The following PRTG variants were observed in gnomAD, a reference collection of about 807,000 sequenced individuals.
PRTG encodes immunoglobulin superfamily, DCC subclass, member 5.
A neutral mutation model predicts 122.5 loss-of-function variants in PRTG; 67 were observed. The ratio of observed to expected loss-of-function variants is 0.55; its 90% CI spans 0.45 to 0.67. PRTG has a LOEUF of 0.67. PRTG is among the 30% of genes least tolerant of loss of function. PRTG has a pLI of 0.00. For synonymous variants in PRTG, 554 were observed against 501.1 expected (o/e 1.11, Z -1.41); for missense variants, 1,435 against 1,415.4 (o/e 1.01, Z -0.22).
chr15:55,631,892 A>T (rs1236262044), intron 15 of PRTG, among the ~76,000 whole-genome samples: 2 of 151,802 alleles, frequency 1.3e-5, no homozygotes, highest in South Asian at 2.1e-4. Context: ...TTTACCTCCG[A>T]CTCCTCTTCT....
At chr15:55,665,740 T>A (rs1019500174) in intron 11 of PRTG, among the ~76,000 whole-genome samples, 3 of 151,986 alleles carry the variant, frequency 2.0e-5, no homozygotes, top group African/African-American at 7.3e-5. Flanking sequence ...GAGACAGGGT[T>A]ATGCCATGTT....
chr15:55,680,613 G>A lies in PRTG; in HGVS notation c.692C>T (p.Ser231Phe), dbSNP rs367914044. The change falls in exon 5 of 20, where the codon TCC becomes TTC. Residue 231 changes from serine (S) to phenylalanine (F), a missense_variant. Transcript: ENST00000389286. ...LTVIPAKESK[S>F]FHTPTIIAGP... ...TGCTATAATTGTTGGTGTGTGGAAG[G>A]ATTTTGACTCCTTAGCTTTGGGGAG... The A allele has an allele frequency of 5.4e-5, 83 of 1,544,480 alleles. No individual in the cohort carries two copies. The highest frequency in any genetic ancestry group is 7.2e-5 in the Non-Finnish European group (82 of 1,143,236).
intron 17 of PRTG, among the ~76,000 whole-genome samples, 191 bp from the exon 18 acceptor site, chr15:55,624,698 T>C (rs1441809404): frequency 1.3e-5 from 2 of 152,224 alleles, no homozygotes; most frequent in Non-Finnish European, 2.9e-5. Context: ...GGCATCTTTA[T>C]TTCTTTTTGC....
rs564541130 is a variant in PRTG at position 55,618,886 on chromosome 15, T to C, written c.*1126A>G. On this transcript the variant is annotated 3_prime_UTR_variant, in exon 20 of 20. Transcript: ENST00000389286. Reference sequence around the variant, plus strand: ...AGAATTTCATTATACTGAAAGGCACTGTTACCATAATAACTTCGAGTTCAT... The same window carrying C: ...AGAATTTCATTATACTGAAAGGCACCGTTACCATAATAACTTCGAGTTCAT... 3.9e-5 allele frequency: 6 copies of C among 152,322 alleles called. No homozygotes were observed. The East Asian group carries it at 1.2e-3, about 29-fold the overall frequency. The allele number at this position is 152,322 out of a possible 1,614,324, so 9.4% of individuals were successfully genotyped here.
At position 55,638,561 on chromosome 15, in the gene PRTG, T is replaced by A. The variant is rs761448270; in HGVS notation, c.2440A>T (p.Thr814Ser). The change falls in exon 14 of 20, where the codon ACT becomes TCT. Residue 814 changes from threonine to serine, a missense_variant. Transcript: ENST00000389286. ...SPWSPVVYHS[T>S]LPEAPAGPPV... ...CTGTTTTCTTTACCTTCTGGAAGAGTAGAATGGTAGACTACAGGGCTCCAA... is the reference window on the plus strand; with the variant it reads ...CTGTTTTCTTTACCTTCTGGAAGAGAAGAATGGTAGACTACAGGGCTCCAA... The A allele has an allele frequency of 9.3e-6, 15 of 1,608,562 alleles. No homozygotes were observed. The African/African-American group carries it at 1.6e-4, about 17-fold the overall frequency.
At chr15:55,630,971 T>G (rs1422364522) in intron 15 of PRTG, among the ~76,000 whole-genome samples, 9 of 152,154 alleles carry the variant, frequency 5.9e-5, no homozygotes, top group Non-Finnish European at 1.0e-4. Flanking sequence ...ATATATTTCA[T>G]TAGGCAAATG....
chr15:55,629,371 A>ATGTGTGTGTGTGTGTGTG (rs1457708289), intron 15 of PRTG, among the ~76,000 whole-genome samples: 3 of 35,536 alleles, frequency 8.4e-5, no homozygotes, highest in South Asian at 3.8e-3. Flanking sequence ...ATATATATAT[A>ATGTGTGTGTGTGTGTGTG]TATATGTGTG....
intron 2 of PRTG, among the ~76,000 whole-genome samples, chr15:55,728,090 TTCTG>T: frequency 6.6e-6 from 1 of 152,222 alleles, no homozygotes; most frequent in East Asian, 1.9e-4. Context: ...GGTCTCAAAC[TTCTG>T]AGCTCAGGCA....
rs8034544 is a variant in PRTG at position 55,672,355 on chromosome 15, G to C, written c.2041+90C>G. ...TCAATTCTTTTCTTTGTACCATTAA[G>C]TAAGTTCTCCTGCTTTAGATCCAAT... On this transcript the variant is annotated intron_variant, in intron 11 of 19. Coordinates refer to ENST00000389286, the MANE Select transcript of PRTG (RefSeq NM_173814.6). The C allele has an allele frequency of 0.01, 10,295 of 998,480 alleles. 711 individuals are homozygous for C. In the African/African-American group the frequency reaches 0.14, roughly 14 times the overall value. The allele number at this position is 998,480 out of a possible 1,614,324, so 61.9% of individuals were successfully genotyped here.
At chr15:55,740,288 A>G in intron 2 of PRTG, 94 bp downstream of exon 2, 2 of 1,183,298 alleles carry the variant, frequency 1.7e-6, no homozygotes, top group Non-Finnish European at 1.2e-6. Context: ...TTCTTAATGC[A>G]TGCATGATTC....
intron 11 of PRTG, among the ~76,000 whole-genome samples, chr15:55,668,779 T>C (rs1194767211): frequency 6.6e-6 from 1 of 152,182 alleles, no homozygotes; most frequent in African/African-American, 2.4e-5. Flanking sequence ...ATATTTATAC[T>C]ATGAAAGACA....
chr15:55,677,827 C>T lies in PRTG; in HGVS notation c.1351G>A (p.Ala451Thr). ...GCTTTCATGTAGTGTACAGAATAGG[C>T]AATGACTTTGTCTGAATTATAAAGT... is the stretch of plus-strand genomic sequence containing the variant. ...RPLYNSDKVI[A>T]YSVHYMKAEG... The change falls in exon 8 of 20, where the codon GCC becomes ACC. Residue 451 changes from alanine (A) to threonine (T), a missense_variant. Coordinates refer to ENST00000389286, the MANE Select transcript of PRTG (RefSeq NM_173814.6). 7 of 1,613,834 alleles carry T rather than the reference C, an allele frequency of 4.3e-6. No homozygotes were observed. Among genetic ancestry groups the T allele is most frequent in the Non-Finnish European group, 5.9e-6 (7 of 1,179,824 alleles).
chr15:55,681,982 G>T (rs964035833), intron 4 of PRTG, among the ~76,000 whole-genome samples: 1 of 151,998 alleles, frequency 6.6e-6, no homozygotes. Context: ...GATTTACATA[G>T]AATTTACATT....
chr15:55,626,472 A>C (rs185275840), intron 17 of PRTG, among the ~76,000 whole-genome samples: 1 of 151,478 alleles, frequency 6.6e-6, no homozygotes, highest in African/African-American at 2.4e-5. Context: ...GGCTGGGAGC[A>C]GTGGCTGATA....
intron 11 of PRTG, among the ~76,000 whole-genome samples, chr15:55,648,895 G>A (rs1250425731): frequency 6.6e-6 from 1 of 151,852 alleles, no homozygotes; most frequent in Non-Finnish European, 1.5e-5. Flanking sequence ...TCAGGAGTTT[G>A]AGACCAGCCT....
chr15:55,700,058 A>G (rs1490619284), intron 2 of PRTG, among the ~76,000 whole-genome samples: 1 of 152,190 alleles, frequency 6.6e-6, no homozygotes, highest in Non-Finnish European at 1.5e-5. Flanking sequence ...GATTTCAAAA[A>G]TTACTGATAA....
Position 55,680,124 on chromosome 15 carries a change from T to A in PRTG, c.903A>T (p.Val301=), listed in dbSNP as rs778948660. 4 of 1,613,486 alleles carry A rather than the reference T, an allele frequency of 2.5e-6. No homozygotes were observed. In the Admixed American group the frequency reaches 6.7e-5, roughly 27 times the overall value. Residue 301 remains valine (V), a synonymous_variant, in exon 6 of 20, where the codon GTA becomes GTT. Coordinates refer to ENST00000389286, the MANE Select transcript of PRTG (RefSeq NM_173814.6). ...CAGGGGTAGTGGCCCGACAAACATATACTCCAGCATGTTGTAGCCTGACAT... is the reference window on the plus strand; with the variant it reads ...CAGGGGTAGTGGCCCGACAAACATAAACTCCAGCATGTTGTAGCCTGACAT... ...ISDVRLQHAG[V]YVCRATTPGT...
intron 11 of PRTG, among the ~76,000 whole-genome samples, chr15:55,668,670 C>G (rs2059451424): frequency 6.6e-6 from 1 of 152,026 alleles, no homozygotes. Flanking sequence ...TTTTCCAACC[C>G]CACCACCAAA....
At chr15:55,621,559 T>A (rs1420098250) in intron 18 of PRTG, among the ~76,000 whole-genome samples, 1 of 151,664 alleles carries the variant, frequency 6.6e-6, no homozygotes, top group African/African-American at 2.4e-5. Flanking sequence ...CTGGGGAGGC[T>A]GAGGCAGGAG....
Sources: allele counts gnomAD v4.1 joint callset (sites outside exome capture counted in the v4.1 genomes callset), GRCh38; gene constraint gnomAD v4.1.1; transcripts MANE v1.5; gene names NCBI Gene and HGNC (gene_info 2026-07-23, HGNC 2026-07-21).